The following FBXL4 variants were observed in gnomAD, a reference collection of about 807,000 sequenced individuals.
FBXL4 encodes the protein F-box/LRR-repeat protein 4.
In FBXL4, 40 loss-of-function variants were observed where a neutral mutation model predicts 58.9. That is an observed-to-expected ratio of 0.68 (90% CI 0.53 to 0.88). The LOEUF is 0.88. FBXL4 is among the 40% of genes least tolerant of loss of function. The pLI, the probability that FBXL4 is intolerant of heterozygous loss-of-function variation, is 0.00. For missense variants in FBXL4, 676 were observed against 734.4 expected (o/e 0.92, Z 0.92); for synonymous variants, 263 against 265.5 (o/e 0.99, Z 0.09).
At chr6:98,924,805 G>A (rs1206103799) in intron 4 of FBXL4, among the ~76,000 whole-genome samples, 4 of 152,224 alleles carry the variant, frequency 2.6e-5, no homozygotes, top group Non-Finnish European at 5.9e-5. Context: ...AGAGATATCA[G>A]AGGAGCTGCA....
At chr6:98,890,870 G>T (rs1416866568) in intron 7 of FBXL4, among the ~76,000 whole-genome samples, 4 of 152,044 alleles carry the variant, frequency 2.6e-5, no homozygotes, top group African/African-American at 7.2e-5. Context: ...AGGGAGCCAA[G>T]ATCGCTCCAC....
chr6:98,901,921 T>G (rs1405882867), intron 6 of FBXL4, among the ~76,000 whole-genome samples: 2 of 152,150 alleles, frequency 1.3e-5, no homozygotes, highest in African/African-American at 4.8e-5. Context: ...ACTGAAGGTT[T>G]TATGAGAGGA....
intron 7 of FBXL4, among the ~76,000 whole-genome samples, chr6:98,884,397 C>T (rs1770959455): frequency 6.6e-6 from 1 of 152,038 alleles, no homozygotes; most frequent in Non-Finnish European, 1.5e-5. Context: ...AATGTTTACC[C>T]TCAATCTTTT....
chr6:98,924,734 G>A (rs1037326306), intron 4 of FBXL4, among the ~76,000 whole-genome samples: 1 of 152,156 alleles, frequency 6.6e-6, no homozygotes, highest in Non-Finnish European at 1.5e-5. Context: ...TCTCCAAGTT[G>A]AGCTGTACTC....
chr6:98,920,817 C>CAT (rs997696553), intron 4 of FBXL4, among the ~76,000 whole-genome samples: 3 of 120,834 alleles, frequency 2.5e-5, no homozygotes, highest in Admixed American at 1.7e-4. Flanking sequence ...GGTACACACA[C>CAT]ATACACACAC....
rs1329831964 is a variant in FBXL4 at position 98,875,581 on chromosome 6, A to G, written c.1536T>C (p.Leu512=). 1 of 1,614,134 alleles carries G rather than the reference A, an allele frequency of 6.2e-7. No individual in the cohort carries two copies. Among genetic ancestry groups the G allele is most frequent in the Admixed American group, 1.7e-5 (1 of 60,016 alleles). The change falls in exon 9 of 10, where the codon CTT becomes CTC. Residue 512 remains leucine, a synonymous_variant. Transcript: ENST00000369244. ...TGCTCTGCAGAGTTGGGCACCAGCC[A>G]AGGTCAAGCTCCTCCAGTAGTGGAC... The part of the protein sequence containing the change: ...SGCPLLEELD[L]GWCPTLQSST...
chr6:98,913,904 A>G (rs1772211930), intron 5 of FBXL4, among the ~76,000 whole-genome samples: 1 of 151,894 alleles, frequency 6.6e-6, no homozygotes, highest in Admixed American at 6.6e-5. Flanking sequence ...GATCAACAAA[A>G]TTGATAAACC....
rs529377183 is a variant in FBXL4 at position 98,870,109 on chromosome 6, T to A, written c.*4169A>T. 6.6e-6 allele frequency: 1 copy of A among 152,320 alleles called. No individual in the cohort carries two copies. Among genetic ancestry groups the A allele is most frequent in the African/African-American group, 2.4e-5 (1 of 41,586 alleles). The allele number at this position is 152,320 out of a possible 1,614,324, so 9.4% of individuals were successfully genotyped here. ...TGTCTACACATCTTTCTTGTTATGG[T>A]AAACATTTTGTTTTTTCTAACAAAA... is the stretch of plus-strand genomic sequence containing the variant. On this transcript the variant is annotated 3_prime_UTR_variant, in exon 10 of 10. Coordinates refer to ENST00000369244, the MANE Select transcript of FBXL4 (RefSeq NM_001278716.2).
intron 5 of FBXL4, among the ~76,000 whole-genome samples, chr6:98,914,796 A>G (rs1375723914): frequency 6.6e-6 from 1 of 152,162 alleles, no homozygotes; most frequent in Non-Finnish European, 1.5e-5. Flanking sequence ...CCTATTCAAC[A>G]TAGTGTTGGA....
intron 1 of FBXL4, among the ~76,000 whole-genome samples, chr6:98,944,048 G>A (rs911936401): frequency 2.0e-5 from 3 of 152,188 alleles, no homozygotes; most frequent in Non-Finnish European, 4.4e-5. Context: ...GGAAAGGACA[G>A]TTTATCAAAA....
intron 1 of FBXL4, 48 bp from the exon 2 acceptor site, chr6:98,934,927 T>C (rs1773150301): frequency 6.6e-6 from 1 of 152,154 alleles, no homozygotes; most frequent in Non-Finnish European, 1.5e-5. Context: ...ACAGTACCAC[T>C]CTCTTCGAGG....
rs969755744 is a variant in FBXL4, at chr6:98,899,496, T to C, written c.1104-15A>G. The C allele has an allele frequency of 9.3e-6, 15 of 1,604,984 alleles. No individual in the cohort carries two copies. Among genetic ancestry groups the C allele is most frequent in the Non-Finnish European group, 1.1e-5 (13 of 1,175,334 alleles). On this transcript the variant is annotated splice_polypyrimidine_tract_variant and intron_variant, in intron 6 of 9. Transcript: ENST00000369244. The stretch of plus-strand genomic sequence containing the variant: ...CCTTCAGAAACCTGCCAAAACAACA[T>C]TCTATGTGAATTTTATAAAACTAAA...
intron 7 of FBXL4, among the ~76,000 whole-genome samples, chr6:98,891,304 T>C (rs984562119): frequency 6.6e-6 from 1 of 152,196 alleles, no homozygotes; most frequent in Admixed American, 6.5e-5. Flanking sequence ...CTGTAGATGT[T>C]TAATAGCTAC....
chr6:98,887,616 T>C (rs1771083730), intron 7 of FBXL4, among the ~76,000 whole-genome samples: 1 of 152,222 alleles, frequency 6.6e-6, no homozygotes, highest in Admixed American at 6.5e-5. Context: ...AGAACTATCA[T>C]TTTTAAAATC....
At chr6:98,915,128 A>C (rs201121728) in intron 5 of FBXL4, among the ~76,000 whole-genome samples, 8,131 of 151,704 alleles carry the variant, frequency 0.054, 295 homozygotes, top group Non-Finnish European at 0.081. Flanking sequence ...TGAAGGACCT[A>C]TTCAAGGAGA....
In FBXL4 at chr6:98,905,598, T is replaced by C. The variant is rs1327706374; in HGVS notation, c.931A>G (p.Ser311Gly). ...TGCAGAGGATCACAGCAATGCTGGC[T>C]CAGTAGTTTGCAAGTCTGTGCTAAT... ...CRLAQTCKLLSQHCCDPLQYI... is the reference protein window; with the variant it reads ...CRLAQTCKLLGQHCCDPLQYI... Residue 311 changes from serine (S) to glycine (G), a missense_variant, in exon 6 of 10, where the codon AGC becomes GGC. By Grantham distance (56) the Ser-to-Gly change is moderately conservative. Transcript: ENST00000369244. 1.2e-6 allele frequency: 2 copies of C among 1,613,930 alleles called. No homozygotes were observed. Among genetic ancestry groups the C allele is most frequent in the Admixed American group, 3.3e-5 (2 of 59,954 alleles).
intron 5 of FBXL4, among the ~76,000 whole-genome samples, chr6:98,910,118 A>G (rs1187365671): frequency 6.6e-6 from 1 of 152,212 alleles, no homozygotes; most frequent in Non-Finnish European, 1.5e-5. Context: ...AAGTTTCCTT[A>G]AAAAGAAAAC....
At chr6:98,896,313 T>C (rs1261474892) in intron 7 of FBXL4, among the ~76,000 whole-genome samples, 1 of 152,212 alleles carries the variant, frequency 6.6e-6, no homozygotes, top group Non-Finnish European at 1.5e-5. Flanking sequence ...AACGCTTTGC[T>C]TAAGTGACAA....
At chr6:98,904,630 T>C (rs1771729155) in intron 6 of FBXL4, among the ~76,000 whole-genome samples, 1 of 152,146 alleles carries the variant, frequency 6.6e-6, no homozygotes, top group African/African-American at 2.4e-5. Flanking sequence ...TTTTTAAAAA[T>C]AGAATACAAG....
Sources: allele counts gnomAD v4.1 joint callset (sites outside exome capture counted in the v4.1 genomes callset), GRCh38; gene constraint gnomAD v4.1.1; transcripts MANE v1.5; gene names NCBI Gene and HGNC (gene_info 2026-07-23, HGNC 2026-07-21).